CCDC60: variants seen among roughly 807,000 people sequenced by gnomAD.
CCDC60 encodes the protein coiled-coil domain containing 60.
CCDC60 carries 54 observed loss-of-function variants against 63.5 expected under a neutral mutation model. The ratio of observed to expected loss-of-function variants is 0.85; its 90% confidence interval spans 0.68 to 1.07. CCDC60 has a LOEUF of 1.07. Ranked by LOEUF, CCDC60 falls within the 50% of genes least tolerant of loss-of-function variation. The probability of loss-of-function intolerance (pLI) is 0.00; values close to 1 mark genes in which losing one functional copy is unlikely to be tolerated. For missense variants in CCDC60, 651 were observed against 684.3 expected, an observed-to-expected ratio of 0.95 and a Z score of 0.54; for synonymous variants, 206 against 238.8, an observed-to-expected ratio of 0.86 and a Z score of 1.27.
intron 5 of CCDC60, among the ~76,000 whole-genome samples, chr12:119,497,974 A>C (rs1319164427): frequency 6.6e-6 from 1 of 152,164 alleles, no homozygotes; most frequent in African/African-American, 2.4e-5. Context: ...ATCAAACATA[A>C]AGTCTTACAA....
intron 1 of CCDC60, among the ~76,000 whole-genome samples, chr12:119,383,755 A>G (rs1249998284): frequency 6.6e-6 from 1 of 152,178 alleles, no homozygotes; most frequent in African/African-American, 2.4e-5. Flanking sequence ...TCTGCCCACC[A>G]CAGATACCTG....
chr12:119,497,821 A>T (rs1266060709), intron 5 of CCDC60, among the ~76,000 whole-genome samples: 1 of 152,042 alleles, frequency 6.6e-6, no homozygotes, highest in African/African-American at 2.4e-5. Flanking sequence ...GCTAGTTTAA[A>T]TATTGTTTAT....
intron 1 of CCDC60, among the ~76,000 whole-genome samples, chr12:119,375,772 A>T (rs921232793): frequency 3.9e-5 from 6 of 152,090 alleles, no homozygotes; most frequent in Admixed American, 6.5e-5. Context: ...TGAAAATTTC[A>T]TGTGTTTCTG....
chr12:119,339,768 A>C (rs1565961853), intron 1 of CCDC60, among the ~76,000 whole-genome samples: 2 of 152,326 alleles, frequency 1.3e-5, no homozygotes, highest in East Asian at 3.9e-4. Context: ...TGATTGTGCC[A>C]CTATACTCCA....
intron 1 of CCDC60, among the ~76,000 whole-genome samples, chr12:119,422,788 A>G (rs1319714673): frequency 6.6e-6 from 1 of 152,036 alleles, no homozygotes; most frequent in Non-Finnish European, 1.5e-5. Flanking sequence ...ATTTTCTCCT[A>G]ATTTTTTTTA....
intron 12 of CCDC60, among the ~76,000 whole-genome samples, chr12:119,530,456 G>A (rs1272119632): frequency 1.3e-5 from 2 of 152,002 alleles, no homozygotes; most frequent in Non-Finnish European, 2.9e-5. Context: ...CAAAGAGATA[G>A]AAAATACACA....
At chr12:119,450,816 C>T (rs112710866) in intron 2 of CCDC60, among the ~76,000 whole-genome samples, 125 of 149,804 alleles carry the variant, frequency 8.3e-4, no homozygotes, top group African/African-American at 2.8e-3. Context: ...TGAGTTCACG[C>T]GACTGCACTC....
intron 11 of CCDC60, among the ~76,000 whole-genome samples, chr12:119,524,716 C>CTTT (rs1416953138): frequency 0.1 from 8,658 of 86,216 alleles, 521 homozygotes; most frequent in Non-Finnish European, 0.13. Flanking sequence ...CTTTTCTTTT[C>CTTT]TTTTCTTTTT....
intron 1 of CCDC60, among the ~76,000 whole-genome samples, chr12:119,338,933 T>C (rs1955503080): frequency 6.6e-6 from 1 of 152,210 alleles, no homozygotes; most frequent in African/African-American, 2.4e-5. Flanking sequence ...TCTCACAGGG[T>C]TGGACATTGC....
At chr12:119,343,554 C>G (rs1400614316) in intron 1 of CCDC60, among the ~76,000 whole-genome samples, 1 of 151,898 alleles carries the variant, frequency 6.6e-6, no homozygotes, top group Admixed American at 6.6e-5. Context: ...TAAAATGCAG[C>G]AGACTTGTGG....
chr12:119,511,762 A>G (rs532781149), intron 7 of CCDC60, among the ~76,000 whole-genome samples: 5 of 152,180 alleles, frequency 3.3e-5, no homozygotes, highest in Non-Finnish European at 5.9e-5. Flanking sequence ...GCTGATATCC[A>G]TATCCACCCA....
chr12:119,348,244 C>T (rs1955617817), intron 1 of CCDC60, among the ~76,000 whole-genome samples: 1 of 152,192 alleles, frequency 6.6e-6, no homozygotes, highest in African/African-American at 2.4e-5. Context: ...ATGGCATTCT[C>T]ATAGAGAATG....
intron 2 of CCDC60, among the ~76,000 whole-genome samples, chr12:119,461,622 T>C (rs1464255657): frequency 6.6e-6 from 1 of 152,198 alleles, no homozygotes. Flanking sequence ...TTGTATTGCA[T>C]AGAGAAAACT....
intron 2 of CCDC60, among the ~76,000 whole-genome samples, chr12:119,429,168 G>C (rs77675573): frequency 6.6e-6 from 1 of 152,270 alleles, no homozygotes; most frequent in South Asian, 2.1e-4. Context: ...AACTCTCTGG[G>C]ACTCTTTTTC....
chr12:119,382,911 G>C (rs1956022750), intron 1 of CCDC60, among the ~76,000 whole-genome samples: 1 of 152,202 alleles, frequency 6.6e-6, no homozygotes, highest in Non-Finnish European at 1.5e-5. Context: ...CTCCCAAAGA[G>C]ATGAGGTGCT....
chr12:119,463,730 G>A (rs1179064950), intron 2 of CCDC60, among the ~76,000 whole-genome samples: 1 of 152,252 alleles, frequency 6.6e-6, no homozygotes, highest in Non-Finnish European at 1.5e-5. Flanking sequence ...CACTTGAGAA[G>A]TCTCATTGAA....
At chr12:119,534,775 C>T (rs572298659) in intron 13 of CCDC60, among the ~76,000 whole-genome samples, 14 of 152,264 alleles carry the variant, frequency 9.2e-5, no homozygotes, top group Non-Finnish European at 1.6e-4. Flanking sequence ...CTGACTTGAT[C>T]GTGGTGGATA....
At chr12:119,392,972 C>T (rs561303876) in intron 1 of CCDC60, among the ~76,000 whole-genome samples, 42 of 152,064 alleles carry the variant, frequency 2.8e-4, no homozygotes, top group Non-Finnish European at 5.3e-4. Flanking sequence ...CTGGGCAACA[C>T]GGCAAGAATC....
At chr12:119,514,348 T>G (rs2136465764) in intron 7 of CCDC60, among the ~76,000 whole-genome samples, 1 of 150,496 alleles carries the variant, frequency 6.6e-6, no homozygotes, top group East Asian at 2.0e-4. Flanking sequence ...GGCTATTTTT[T>G]TTTTTTTTTT....
Sources: allele counts gnomAD v4.1 joint callset (sites outside exome capture counted in the v4.1 genomes callset), GRCh38; gene constraint gnomAD v4.1.1; transcripts MANE v1.5; gene names NCBI Gene and HGNC (gene_info 2026-07-23, HGNC 2026-07-21).